The following TMEM272 variants were observed in gnomAD, a reference collection of about 807,000 sequenced individuals.
TMEM272 encodes transmembrane protein 272, also known as long intergenic non-protein coding RNA 282.
A neutral mutation model predicts 3.7 loss-of-function variants in TMEM272; 8 were observed. That is an observed-to-expected ratio of 2.17 (90% CI 1.27 to 3.91). The LOEUF is 3.91. TMEM272 is among the 30% of genes most tolerant of loss of function. TMEM272 has a pLI of 0.00. For missense variants in TMEM272, 166 were observed against 91.5 expected (o/e 1.81, Z -3.32); for synonymous variants, 63 against 39.8 (o/e 1.58, Z -2.20).
the TMEM272 span, among the ~76,000 whole-genome samples, chr13:51,887,080 C>T: frequency 6.6e-6 from 1 of 152,176 alleles, no homozygotes. Context: ...AGGTCTTCTC[C>T]TTATTTTCCT....
the TMEM272 span, among the ~76,000 whole-genome samples, chr13:51,870,259 T>G: frequency 6.6e-5 from 10 of 152,090 alleles, no homozygotes; most frequent in South Asian, 6.2e-4. Flanking sequence ...TTGGTTTTTT[T>G]TGTGTGTGTG....
At chr13:51,885,180 C>T in the TMEM272 span, among the ~76,000 whole-genome samples, 1 of 152,224 alleles carries the variant, frequency 6.6e-6, no homozygotes. Context: ...AAGAGACCAA[C>T]AGGAAAAGAC....
In TMEM272 at chr13:51,840,497, T is replaced by C. The variant is rs28664835; in HGVS notation, c.-23-1944A>G. Among the ~76,000 whole-genome samples the C allele has an allele frequency of 3.3e-3, 495 of 152,232 alleles. 4 individuals are homozygous for C. The highest frequency in any genetic ancestry group is 0.011 in the African/African-American group (471 of 41,536). On this transcript the variant is annotated intron_variant, in intron 1 of 4. Transcript: ENST00000629372. Reference sequence around the variant, plus strand: ...TGTTAACCAGAACGGACTTTGACAGTTTTGACTGCAGTGAGATGATGGGAC... The same window carrying C: ...TGTTAACCAGAACGGACTTTGACAGCTTTGACTGCAGTGAGATGATGGGAC...
intron 4 of TMEM272, among the ~76,000 whole-genome samples, chr13:51,818,724 T>C (rs1483604927): frequency 6.6e-6 from 1 of 152,230 alleles, no homozygotes; most frequent in African/African-American, 2.4e-5. Flanking sequence ...TGTGCTTATC[T>C]GCATTCTCTG....
intron 2 of TMEM272, among the ~76,000 whole-genome samples, chr13:51,835,821 T>A (rs1490588153): frequency 2.6e-5 from 4 of 152,236 alleles, no homozygotes; most frequent in Non-Finnish European, 5.9e-5. Context: ...GCATGCTTTT[T>A]AAGTTTTTAA....
At chr13:51,872,305 GA>G in the TMEM272 span, among the ~76,000 whole-genome samples, 6 of 152,220 alleles carry the variant, frequency 3.9e-5, no homozygotes, top group East Asian at 1.2e-3. Context: ...ATGACAGCAG[GA>G]ATGAAAAGTT....
chr13:51,849,854 C>T (rs938082215), upstream of TMEM272, among the ~76,000 whole-genome samples: 3 of 152,180 alleles, frequency 2.0e-5, no homozygotes, highest in African/African-American at 4.8e-5. Flanking sequence ...CACCTACTGG[C>T]GCCTCTTTGC....
At chr13:51,895,856 A>G in the TMEM272 span, among the ~76,000 whole-genome samples, 3 of 152,250 alleles carry the variant, frequency 2.0e-5, no homozygotes, top group Non-Finnish European at 4.4e-5. Context: ...CACTTCTCAG[A>G]TTCCAATACA....
At chr13:51,890,455 C>T in the TMEM272 span, among the ~76,000 whole-genome samples, 18 of 152,168 alleles carry the variant, frequency 1.2e-4, no homozygotes, top group African/African-American at 3.9e-4. Context: ...TGTGCTGGCT[C>T]TCCTTCACCT....
chr13:51,908,593 G>C, the TMEM272 span: 1 of 1,510,924 alleles, frequency 6.6e-7, no homozygotes, highest in Non-Finnish European at 9.2e-7. Flanking sequence ...CCAGCAGGGA[G>C]AGATGAATCA....
chr13:51,865,469 G>A, the TMEM272 span: 3 of 1,614,156 alleles, frequency 1.9e-6, no homozygotes, highest in Non-Finnish European at 2.5e-6. Flanking sequence ...GTCCCTGGCG[G>A]CATCCTCTCC....
intron 1 of TMEM272, among the ~76,000 whole-genome samples, chr13:51,843,671 G>C (rs757979786): frequency 2.0e-5 from 3 of 152,162 alleles, no homozygotes; most frequent in Non-Finnish European, 4.4e-5. Context: ...AACAGGCCGG[G>C]CAGTGCCTTC....
At chr13:51,876,784 G>A in the TMEM272 span, among the ~76,000 whole-genome samples, 1 of 152,138 alleles carries the variant, frequency 6.6e-6, no homozygotes, top group East Asian at 1.9e-4. Flanking sequence ...GTATTTTGCT[G>A]TTTATAACCC....
At chr13:51,930,001 G>A in the TMEM272 span, among the ~76,000 whole-genome samples, 3 of 152,274 alleles carry the variant, frequency 2.0e-5, no homozygotes, top group Non-Finnish European at 2.9e-5. Context: ...GTCAGGTGTC[G>A]GTCAACAAGG....
intron 3 of TMEM272, among the ~76,000 whole-genome samples, chr13:51,823,835 T>C (rs1284321822): frequency 7.2e-5 from 11 of 152,240 alleles, no homozygotes. Flanking sequence ...TTTCTAGGTA[T>C]ACAGAGAGCC....
the TMEM272 span, among the ~76,000 whole-genome samples, chr13:51,925,317 T>G: frequency 1.3e-5 from 2 of 152,234 alleles, no homozygotes; most frequent in African/African-American, 4.8e-5. Context: ...GTGTCAGCTT[T>G]CTGATAATTT....
the TMEM272 span, chr13:51,921,251 G>A: frequency 2.0e-5 from 3 of 152,252 alleles, no homozygotes; most frequent in Non-Finnish European, 4.4e-5. Context: ...CAGAGCAGAC[G>A]TTCGGATATC....
chr13:51,868,585 C>T, the TMEM272 span, among the ~76,000 whole-genome samples: 1 of 152,238 alleles, frequency 6.6e-6, no homozygotes, highest in African/African-American at 2.4e-5. Context: ...GATTTCTCCA[C>T]AACCTCAGCA....
At chr13:51,920,451 T>A in the TMEM272 span, among the ~76,000 whole-genome samples, 1 of 152,020 alleles carries the variant, frequency 6.6e-6, no homozygotes, top group East Asian at 1.9e-4. Flanking sequence ...ATGAAGCAAA[T>A]CATGTCACGC....
Sources: allele counts gnomAD v4.1 joint callset (sites outside exome capture counted in the v4.1 genomes callset), GRCh38; gene constraint gnomAD v4.1.1; transcripts MANE v1.5; gene names NCBI Gene and HGNC (gene_info 2026-07-23, HGNC 2026-07-21).